Variants in GPC6 observed in about 807,000 individuals in gnomAD.
GPC6 encodes the protein glypican-6.
A neutral mutation model predicts 55.2 loss-of-function variants in GPC6; 14 were observed. The ratio of observed to expected loss-of-function variants is 0.25; its 90% CI spans 0.17 to 0.40. The LOEUF is 0.40. GPC6 is among the 10% of genes least tolerant of loss of function. The pLI, the probability that GPC6 is intolerant of heterozygous loss-of-function variation, is 1.00. For missense variants in GPC6, 641 were observed against 708.5 expected (o/e 0.90, Z 1.08); for synonymous variants, 278 against 259.6 (o/e 1.07, Z -0.68).
rs190086786 is a variant in GPC6, at chr13:93,249,582, G to A, written c.160+21966G>A. Among the ~76,000 whole-genome samples, 425 of 152,298 alleles carry A rather than the reference G, an allele frequency of 2.8e-3. 1 individual carries two copies. Among genetic ancestry groups the A allele is most frequent in the Middle Eastern group, 6.8e-3 (2 of 294 alleles). On this transcript the variant is annotated intron_variant, in intron 1 of 8. Coordinates refer to ENST00000377047, the MANE Select transcript of GPC6 (RefSeq NM_005708.5). The stretch of plus-strand genomic sequence containing the variant: ...AAAAAATGTTAAACATAACTGAAGA[G>A]CCCTTGTCAAATTGGAGGTTTTTCC...
chr13:93,251,802 T>C (rs1876794624), intron 1 of GPC6, among the ~76,000 whole-genome samples: 1 of 152,246 alleles, frequency 6.6e-6, no homozygotes, highest in African/African-American at 2.4e-5. Flanking sequence ...TAATTTCTTT[T>C]TATGATGAGC....
At chr13:93,993,832 CT>C (rs1881420265) in intron 3 of GPC6, among the ~76,000 whole-genome samples, 1 of 151,982 alleles carries the variant, frequency 6.6e-6, no homozygotes, top group Non-Finnish European at 1.5e-5. Flanking sequence ...GGGAAAATTT[CT>C]TTTGGCTAAG....
intron 4 of GPC6, among the ~76,000 whole-genome samples, chr13:94,229,055 A>G (rs572201199): frequency 3.9e-5 from 6 of 152,338 alleles, no homozygotes; most frequent in African/African-American, 7.2e-5. Context: ...ACAATCCCAC[A>G]GGGGAAAAAT....
intron 1 of GPC6, among the ~76,000 whole-genome samples, chr13:93,305,416 A>G (rs1372176530): frequency 6.6e-6 from 1 of 152,136 alleles, no homozygotes; most frequent in African/African-American, 2.4e-5. Flanking sequence ...AAATAGGAGA[A>G]CAGGATTGGT....
At chr13:93,400,869 T>C (rs1876045341) in intron 1 of GPC6, among the ~76,000 whole-genome samples, 1 of 151,826 alleles carries the variant, frequency 6.6e-6, no homozygotes, top group Non-Finnish European at 1.5e-5. Flanking sequence ...AAAGTAGAGA[T>C]AGGAAAGTTG....
chr13:93,363,311 A>C (rs909117371), intron 1 of GPC6, among the ~76,000 whole-genome samples: 1 of 144,844 alleles, frequency 6.9e-6, no homozygotes, highest in Non-Finnish European at 1.5e-5. Flanking sequence ...CAGTCCCCAG[A>C]GTGTGATGTT....
At position 94,220,219 on chromosome 13, in the gene GPC6, C is replaced by G. The variant is rs1358925282; in HGVS notation, c.878-66130C>G. ...ACAGGCCCAGCACAACCCCTCTTCCCTGGACACAGGGCCAAGAAAACACTG... is the reference window on the plus strand; with the variant it reads ...ACAGGCCCAGCACAACCCCTCTTCCGTGGACACAGGGCCAAGAAAACACTG... On this transcript the variant is annotated intron_variant, in intron 4 of 8. Transcript: ENST00000377047. Among the ~76,000 whole-genome samples, 5 of 152,208 alleles carry G rather than the reference C, an allele frequency of 3.3e-5. No individual in the cohort carries two copies. In the East Asian group the frequency reaches 7.7e-4, roughly 24 times the overall value.
chr13:93,862,435 G>T (rs1422673037), intron 3 of GPC6, among the ~76,000 whole-genome samples: 2 of 151,544 alleles, frequency 1.3e-5, no homozygotes, highest in Non-Finnish European at 3.0e-5. Flanking sequence ...GAGTGGAAAG[G>T]CTTTTAAGTA....
intron 4 of GPC6, among the ~76,000 whole-genome samples, chr13:94,221,642 A>G (rs1193752461): frequency 6.6e-6 from 1 of 152,086 alleles, no homozygotes; most frequent in Non-Finnish European, 1.5e-5. Context: ...TCATGTTTGA[A>G]TCCTGTGTGT....
At chr13:93,265,616 A>T (rs1371592338) in intron 1 of GPC6, among the ~76,000 whole-genome samples, 1 of 152,148 alleles carries the variant, frequency 6.6e-6, no homozygotes, top group East Asian at 1.9e-4. Context: ...AACCTGAAAA[A>T]ATCTGAAATT....
At chr13:94,111,297 T>C (rs978938622) in intron 4 of GPC6, among the ~76,000 whole-genome samples, 12 of 152,006 alleles carry the variant, frequency 7.9e-5, no homozygotes, top group Admixed American at 5.3e-4. Context: ...TTCTGAAATG[T>C]AAATCTGATT....
intron 6 of GPC6, among the ~76,000 whole-genome samples, chr13:94,328,090 C>T (rs954442211): frequency 6.6e-6 from 1 of 152,142 alleles, no homozygotes. Context: ...GATTCCTCTG[C>T]ACATTAGACC....
At chr13:93,230,304 A>G (rs1470796067) in intron 1 of GPC6, among the ~76,000 whole-genome samples, 1 of 152,178 alleles carries the variant, frequency 6.6e-6, no homozygotes, top group African/African-American at 2.4e-5. Flanking sequence ...ATTGTGAAAT[A>G]GTGTTGCCCT....
At chr13:94,113,000 C>T (rs1162798587) in intron 4 of GPC6, among the ~76,000 whole-genome samples, 1 of 152,078 alleles carries the variant, frequency 6.6e-6, no homozygotes, top group Non-Finnish European at 1.5e-5. Flanking sequence ...TGATTAGATA[C>T]TTAATTCTCT....
chr13:94,306,617 A>AGACACAT (rs1566657088), intron 6 of GPC6, among the ~76,000 whole-genome samples: 1 of 152,200 alleles, frequency 6.6e-6, no homozygotes, highest in African/African-American at 2.4e-5. Context: ...TGTGTCTTTA[A>AGACACAT]AAAGTTGGAA....
At chr13:93,902,113 G>T (rs1876392933) in intron 3 of GPC6, among the ~76,000 whole-genome samples, 2 of 151,946 alleles carry the variant, frequency 1.3e-5, no homozygotes, top group Admixed American at 6.6e-5. Flanking sequence ...TACAATTACA[G>T]TATTGTTTTC....
chr13:94,286,241 G>A (rs973654935), intron 4 of GPC6, 108 bp from the exon 5 acceptor site: 10 of 1,115,310 alleles, frequency 9.0e-6, no homozygotes, highest in Middle Eastern at 2.1e-4. Flanking sequence ...ATTTAAAAAC[G>A]TGAATGCACC....
At chr13:93,249,561 A>T (rs561915070) in intron 1 of GPC6, among the ~76,000 whole-genome samples, 2 of 152,334 alleles carry the variant, frequency 1.3e-5, no homozygotes, top group East Asian at 3.9e-4. Context: ...TTGGGAAAAA[A>T]ATGTTAAACA....
At chr13:93,462,000 A>T (rs376592247) in intron 1 of GPC6, among the ~76,000 whole-genome samples, 28 of 152,234 alleles carry the variant, frequency 1.8e-4, no homozygotes, top group African/African-American at 6.5e-4. Flanking sequence ...ATCTCATCCA[A>T]CCCACAAGCC....
Sources: allele counts gnomAD v4.1 joint callset (sites outside exome capture counted in the v4.1 genomes callset), GRCh38; gene constraint gnomAD v4.1.1; transcripts MANE v1.5; gene names NCBI Gene and HGNC (gene_info 2026-07-23, HGNC 2026-07-21).